Variants in TENM2 observed in about 807,000 individuals in gnomAD.
TENM2 encodes the protein teneurin-2.
TENM2 carries 52 observed loss-of-function variants against 245.2 expected under a neutral mutation model. That is an observed-to-expected ratio of 0.21 (90% CI 0.17 to 0.27). The LOEUF (loss-of-function observed/expected upper bound fraction) is 0.27, where lower values mean the gene tolerates loss of function less well. Ranked by LOEUF, TENM2 falls within the 10% of genes least tolerant of loss-of-function variation. The pLI is 1.00. For missense variants in TENM2, 3,046 were observed against 3,666.8 expected (o/e 0.83, Z 4.37); for synonymous variants, 1,363 against 1,438.9 (o/e 0.95, Z 1.19).
intron 1 of TENM2, among the ~76,000 whole-genome samples, chr5:167,351,445 C>T (rs931170971): frequency 4.6e-5 from 7 of 152,094 alleles, no homozygotes; most frequent in Admixed American, 1.3e-4. Context: ...TTCTGCTTCA[C>T]AAGAACTAGA....
chr5:168,100,815 A>G (rs1562158261), intron 9 of TENM2, among the ~76,000 whole-genome samples: 1 of 151,550 alleles, frequency 6.6e-6, no homozygotes, highest in Non-Finnish European at 1.5e-5. Context: ...GCAAACTATT[A>G]TGGGTGCAGC....
intron 2 of TENM2, among the ~76,000 whole-genome samples, chr5:167,694,047 A>G (rs902030721): frequency 3.3e-5 from 5 of 152,210 alleles, no homozygotes; most frequent in Admixed American, 6.5e-5. Context: ...TTAGAAAGGC[A>G]CCAGAAATCT....
intron 3 of TENM2, chr5:167,938,422 A>T (rs1379918419): frequency 6.6e-6 from 1 of 152,230 alleles, no homozygotes; most frequent in Non-Finnish European, 1.5e-5. Flanking sequence ...AATTTTATAC[A>T]TGAGCTGAAA....
intron 2 of TENM2, among the ~76,000 whole-genome samples, chr5:167,434,942 C>T (rs1764456365): frequency 6.6e-6 from 1 of 152,294 alleles, no homozygotes. Context: ...AATTACCCAA[C>T]TACCTTCTTG....
intron 2 of TENM2, among the ~76,000 whole-genome samples, chr5:167,785,570 T>C (rs761812177): frequency 2.0e-5 from 3 of 152,206 alleles, no homozygotes; most frequent in Admixed American, 6.5e-5. Context: ...CTTGAATGTA[T>C]GCACAATCCC....
chr5:167,256,988 G>A, the TENM2 span, among the ~76,000 whole-genome samples: 1 of 152,090 alleles, frequency 6.6e-6, no homozygotes, highest in East Asian at 1.9e-4. Context: ...TAATCCCTCT[G>A]TATACTTGGA....
intron 4 of TENM2, among the ~76,000 whole-genome samples, chr5:167,961,722 A>C (rs187817040): frequency 1.1e-3 from 165 of 152,366 alleles, no homozygotes; most frequent in African/African-American, 3.5e-3. Context: ...AAAGATGCAG[A>C]ATCTAGGGAT....
intron 7 of TENM2, among the ~76,000 whole-genome samples, chr5:168,080,707 G>A (rs1196406218): frequency 6.6e-6 from 1 of 152,154 alleles, no homozygotes; most frequent in Admixed American, 6.5e-5. Context: ...TCATTCAGGA[G>A]CAGGTTGTTC....
intron 1 of TENM2, among the ~76,000 whole-genome samples, chr5:167,316,669 C>A (rs1756382842): frequency 2.6e-5 from 4 of 152,162 alleles, no homozygotes; most frequent in Admixed American, 2.6e-4. Context: ...ATTAAGTTCA[C>A]TTTAGTAAAC....
chr5:167,094,795 A>G, the TENM2 span, among the ~76,000 whole-genome samples: 2 of 152,192 alleles, frequency 1.3e-5, no homozygotes, highest in African/African-American at 4.8e-5. Flanking sequence ...TTAAAATTTG[A>G]TAAGTTAGTG....
chr5:167,832,529 A>G (rs1445298568), intron 2 of TENM2, among the ~76,000 whole-genome samples: 1 of 152,250 alleles, frequency 6.6e-6, no homozygotes, highest in Middle Eastern at 3.2e-3. Flanking sequence ...CACGATGTTT[A>G]TGTAAGATGT....
At chr5:167,582,675 G>A (rs1775172884) in intron 2 of TENM2, among the ~76,000 whole-genome samples, 1 of 152,156 alleles carries the variant, frequency 6.6e-6, no homozygotes, top group South Asian at 2.1e-4. Flanking sequence ...CATTTACATG[G>A]CACGAACCTT....
chr5:167,541,688 A>G (rs1489114881), intron 2 of TENM2, among the ~76,000 whole-genome samples: 1 of 152,198 alleles, frequency 6.6e-6, no homozygotes, highest in Non-Finnish European at 1.5e-5. Context: ...AGGGGTTTAA[A>G]GTGAGGTTTA....
At chr5:167,614,420 G>C (rs1317621363) in intron 2 of TENM2, among the ~76,000 whole-genome samples, 1 of 152,106 alleles carries the variant, frequency 6.6e-6, no homozygotes, top group Non-Finnish European at 1.5e-5. Flanking sequence ...GTCATTCAGT[G>C]AGGTGGTAGT....
At chr5:168,117,399 G>C (rs1457041183) in intron 9 of TENM2, among the ~76,000 whole-genome samples, 1 of 152,074 alleles carries the variant, frequency 6.6e-6, no homozygotes, top group African/African-American at 2.4e-5. Flanking sequence ...AAGACCCCCT[G>C]TGTGTACCTG....
chr5:167,299,041 G>A (rs988213503), intron 1 of TENM2, among the ~76,000 whole-genome samples: 1 of 152,186 alleles, frequency 6.6e-6, no homozygotes, highest in Non-Finnish European at 1.5e-5. Flanking sequence ...GCATTCCGAG[G>A]ACAGGCCTGA....
At chr5:167,143,580 G>C in the TENM2 span, among the ~76,000 whole-genome samples, 12 of 152,152 alleles carry the variant, frequency 7.9e-5, no homozygotes, top group Admixed American at 7.9e-4. Flanking sequence ...TATTCACTGA[G>C]AGGGGAAAAA....
rs1315491972 is a variant in TENM2 at position 167,467,707 on chromosome 5, C to T, written c.502+92234C>T. Among the ~76,000 whole-genome samples, 22 of 151,944 alleles carry T rather than the reference C, an allele frequency of 1.4e-4. 1 individual carries two copies. The highest frequency in any genetic ancestry group is 1.1e-3 in the Admixed American group (17 of 15,250). On this transcript the variant is annotated intron_variant, in intron 2 of 28. Coordinates refer to ENST00000518659, the Ensembl canonical transcript of TENM2. ...AATAAGAACATATTTTATAGAACACCGTGATACTGAATAAGCTAAATTAAA... is the reference window on the plus strand; with the variant it reads ...AATAAGAACATATTTTATAGAACACTGTGATACTGAATAAGCTAAATTAAA...
intron 7 of TENM2, among the ~76,000 whole-genome samples, chr5:168,087,786 A>T (rs1396191335): frequency 6.6e-6 from 1 of 152,102 alleles, no homozygotes; most frequent in African/African-American, 2.4e-5. Flanking sequence ...AAAATAAATT[A>T]TATCATTTTA....
Sources: allele counts gnomAD v4.1 joint callset (sites outside exome capture counted in the v4.1 genomes callset), GRCh38; gene constraint gnomAD v4.1.1; transcripts MANE v1.5; gene names NCBI Gene and HGNC (gene_info 2026-07-23, HGNC 2026-07-21).